TNC: variants seen among roughly 807,000 people sequenced by gnomAD.
TNC encodes tenascin.
TNC carries 109 observed loss-of-function variants against 202.4 expected under a neutral mutation model. The ratio of observed to expected loss-of-function variants is 0.54; its 90% confidence interval spans 0.46 to 0.63. The LOEUF (loss-of-function observed/expected upper bound fraction) is 0.63, where lower values mean the gene tolerates loss of function less well. TNC is among the 30% of genes least tolerant of loss of function. The pLI is 0.00. For synonymous variants in TNC, 1,007 were observed against 1,089.7 expected (o/e 0.92, Z 1.50); for missense variants, 2,756 against 2,833.3 (o/e 0.97, Z 0.62).
chr9:115,089,558 T>C (rs1835057235), intron 2 of TNC, among the ~76,000 whole-genome samples: 2 of 152,128 alleles, frequency 1.3e-5, no homozygotes, highest in Admixed American at 1.3e-4. Flanking sequence ...TGGAGTGCAA[T>C]GGCATGATCT....
At chr9:115,032,248 A>G (rs1830006196) in intron 22 of TNC, among the ~76,000 whole-genome samples, 1 of 152,206 alleles carries the variant, frequency 6.6e-6, no homozygotes, top group African/African-American at 2.4e-5. Flanking sequence ...AGGTGTTAGA[A>G]CAGTGGAAAA....
intron 9 of TNC, among the ~76,000 whole-genome samples, chr9:115,074,563 A>G (rs567441745): frequency 4.1e-4 from 62 of 152,338 alleles, no homozygotes; most frequent in Non-Finnish European, 7.9e-4. Context: ...CAGTAACTCA[A>G]ATGGACTAAT....
At chr9:115,037,821 C>G (rs1438790126) in intron 20 of TNC, among the ~76,000 whole-genome samples, 1 of 152,216 alleles carries the variant, frequency 6.6e-6, no homozygotes, top group South Asian at 2.1e-4. Context: ...GCCACTGTAC[C>G]TGGCTTAAAA....
rs1832564311 is a variant in TNC at position 115,061,759 on chromosome 9, T to A, written c.4033+1158A>T. On this transcript the variant is annotated intron_variant, in intron 13 of 27. Coordinates refer to ENST00000350763, the MANE Select transcript of TNC (RefSeq NM_002160.4). ...CCCTATCACCAAAAAGTTGGCCCTT[T>A]TTCCCATAGCCCTTTTTGAAGCTAT... 3.3e-5 allele frequency among the ~76,000 whole-genome samples: 5 copies of A among 152,242 alleles called. No homozygotes were observed. The South Asian group carries it at 1.0e-3, about 31-fold the overall frequency.
intron 4 of TNC, among the ~76,000 whole-genome samples, chr9:115,083,602 CTTTT>C (rs34162026): frequency 7.7e-6 from 1 of 129,498 alleles, no homozygotes; most frequent in African/African-American, 2.9e-5. Context: ...AATGAGGACT[CTTTT>C]TTTTTTTTTT....
chr9:115,074,090 A>G (rs1833666967), intron 9 of TNC, among the ~76,000 whole-genome samples: 1 of 152,214 alleles, frequency 6.6e-6, no homozygotes. Flanking sequence ...ATTGAAAATA[A>G]TGTCATGGAA....
rs537319943 is a variant in TNC at position 115,112,345 on chromosome 9, G to GT, written c.-137+5636dup. Reference sequence around the variant, plus strand: ...GGCCAGCAATTTACAAAAACATTCTGTTTTTTCTGCACAGAGCCCTTTCAT... The same window carrying GT: ...GGCCAGCAATTTACAAAAACATTCTGTTTTTTTCTGCACAGAGCCCTTTCAT... On this transcript the variant is annotated intron_variant, in intron 1 of 27. Transcript: ENST00000350763. Among the ~76,000 whole-genome samples, 771 of 152,166 alleles carry GT rather than the reference G, an allele frequency of 5.1e-3. 7 individuals are homozygous for GT. The highest frequency in any genetic ancestry group is 0.018 in the African/African-American group (740 of 41,488).
chr9:115,069,000 G>T (rs1358371217), intron 10 of TNC, among the ~76,000 whole-genome samples: 2 of 152,134 alleles, frequency 1.3e-5, no homozygotes, highest in East Asian at 3.9e-4. Context: ...TTATAGCAAC[G>T]TGCACCATTT....
intron 22 of TNC, among the ~76,000 whole-genome samples, chr9:115,033,462 T>C (rs922450885): frequency 1.3e-5 from 2 of 152,174 alleles, no homozygotes; most frequent in East Asian, 1.9e-4. Context: ...TAGATCAAAA[T>C]GAGACTCATG....
intron 1 of TNC, chr9:115,112,865 A>T (rs1837187997): frequency 6.5e-6 from 1 of 152,962 alleles, no homozygotes; most frequent in Non-Finnish European, 1.5e-5. Context: ...GGACGTGCAG[A>T]GCTCAGTTGG....
Position 115,040,933 on chromosome 9 carries a change from C to T in TNC, c.5392+8G>A. ...CACACACACACACACACAACCCCAC[C>T]AACTCACCTGTGGTGAATGACCCTG... is the stretch of plus-strand genomic sequence containing the variant. On this transcript the variant is annotated splice_region_variant and intron_variant, in intron 19 of 27. Coordinates refer to ENST00000350763, the MANE Select transcript of TNC (RefSeq NM_002160.4). The T allele has an allele frequency of 6.2e-7, 1 of 1,608,598 alleles. No homozygotes were observed.
chr9:115,042,351 A>G lies in TNC; in HGVS notation c.5126-10T>C. On this transcript the variant is annotated splice_polypyrimidine_tract_variant and intron_variant, in intron 17 of 27. Coordinates refer to ENST00000350763, the MANE Select transcript of TNC (RefSeq NM_002160.4). ...TTTGGGGAGCCCATGGCTGTCAAGAAGAAAGCACAAGAGAAGCCCAGAAAC... is the reference window on the plus strand; with the variant it reads ...TTTGGGGAGCCCATGGCTGTCAAGAGGAAAGCACAAGAGAAGCCCAGAAAC... 1 of 1,613,794 alleles carries G rather than the reference A, an allele frequency of 6.2e-7. No homozygotes were observed. Among genetic ancestry groups the G allele is most frequent in the Non-Finnish European group, 8.5e-7 (1 of 1,179,818 alleles).
At chr9:115,054,986 C>T (rs1043623510) in intron 15 of TNC, among the ~76,000 whole-genome samples, 1 of 152,166 alleles carries the variant, frequency 6.6e-6, no homozygotes, top group Non-Finnish European at 1.5e-5. Flanking sequence ...GGTTGTGATT[C>T]AGAGTCTATT....
intron 1 of TNC, among the ~76,000 whole-genome samples, chr9:115,092,032 A>C (rs1325893506): frequency 4.6e-5 from 7 of 152,246 alleles, no homozygotes; most frequent in African/African-American, 1.2e-4. Flanking sequence ...TATAAGACCA[A>C]GTGTATACAT....
intron 1 of TNC, among the ~76,000 whole-genome samples, chr9:115,098,085 G>C (rs1224716891): frequency 6.6e-6 from 1 of 152,128 alleles, no homozygotes; most frequent in Non-Finnish European, 1.5e-5. Context: ...TAAAAACAAT[G>C]GTCCTGAAAG....
rs776613131 is a variant in TNC at position 115,087,305 on chromosome 9, G to A, written c.458-32C>T. 15 of 1,598,714 alleles carry A rather than the reference G, an allele frequency of 9.4e-6. No homozygotes were observed. The East Asian group carries it at 3.1e-4, about 33-fold the overall frequency. ...CAAAAGAAACAGAAGTTCTCAGCCA[G>A]GCTTAAGCAGCCACATTTTTCTGTA... is the stretch of plus-strand genomic sequence containing the variant. On this transcript the variant is annotated intron_variant, in intron 2 of 27. Transcript: ENST00000350763.
rs143768793 is a variant in TNC, at chr9:115,043,915, G to A, written c.5126-1574C>T. ...CATTAATAGCTAATATGGTTACTGT[G>A]GGTAAAGAAATTCTGCTAAATACTT... On this transcript the variant is annotated intron_variant, in intron 17 of 27. Coordinates refer to ENST00000350763, the MANE Select transcript of TNC (RefSeq NM_002160.4). 4.2e-3 allele frequency among the ~76,000 whole-genome samples: 644 copies of A among 152,270 alleles called. 4 individuals are homozygous for A. The highest frequency in any genetic ancestry group is 0.015 in the African/African-American group (609 of 41,538).
Position 115,058,801 on chromosome 9 carries a change from G to T in TNC, c.4306+929C>A, listed in dbSNP as rs542068740. Among the ~76,000 whole-genome samples the T allele has an allele frequency of 4.1e-4, 62 of 152,302 alleles. 1 individual carries two copies. The highest frequency in any genetic ancestry group is 6.0e-4 in the Non-Finnish European group (41 of 68,028). ...CTCTACCGAGCTTCAAACCCATGGA[G>T]GCACATAATAAAGATGAGCAACGGA... is the stretch of plus-strand genomic sequence containing the variant. On this transcript the variant is annotated intron_variant, in intron 14 of 27. Transcript: ENST00000350763.
rs147556474 is a variant in TNC, at chr9:115,060,452, CTT to C, written c.4034-452_4034-451del. Among the ~76,000 whole-genome samples, 354 of 152,336 alleles carry C rather than the reference CTT, an allele frequency of 2.3e-3. 2 individuals carry two copies. The highest frequency in any genetic ancestry group is 8.2e-3 in the African/African-American group (342 of 41,584). On this transcript the variant is annotated intron_variant, in intron 13 of 27. Coordinates refer to ENST00000350763, the MANE Select transcript of TNC (RefSeq NM_002160.4). The stretch of plus-strand genomic sequence containing the variant: ...TCAGCTTCTCTCTGAGCCACCCTCT[CTT>C]TACCTTTAAATGGAGTTGATGGTAC...
Sources: allele counts gnomAD v4.1 joint callset (sites outside exome capture counted in the v4.1 genomes callset), GRCh38; gene constraint gnomAD v4.1.1; transcripts MANE v1.5; gene names NCBI Gene and HGNC (gene_info 2026-07-23, HGNC 2026-07-21).